RANBP2: variants seen among roughly 807,000 people sequenced by gnomAD.
The protein encoded by RANBP2 is RAN binding protein 2.
Under a neutral mutation model 303.6 loss-of-function variants are expected in RANBP2, and 57 were observed. The observed-to-expected ratio is 0.19, with a 90% CI of 0.15 to 0.23. RANBP2 has a LOEUF of 0.23. RANBP2 is among the 10% of genes least tolerant of loss of function. The pLI is 1.00. For missense variants in RANBP2, 3,138 were observed against 3,780.8 expected (o/e 0.83, Z 4.46); for synonymous variants, 1,167 against 1,301.5 (o/e 0.90, Z 2.23).
At chr2:109,708,724 C>T in the RANBP2 span, among the ~76,000 whole-genome samples, 1 of 152,150 alleles carries the variant, frequency 6.6e-6, no homozygotes, top group South Asian at 2.1e-4. Flanking sequence ...CTGCTGTGAT[C>T]CCAGCACCTT....
the RANBP2 span, among the ~76,000 whole-genome samples, chr2:109,530,273 C>T: frequency 6.6e-6 from 1 of 152,154 alleles, no homozygotes; most frequent in Non-Finnish European, 1.5e-5. Context: ...AAAGGAGCGG[C>T]ATGTGGTCAG....
chr2:109,306,839 G>A, the RANBP2 span, among the ~76,000 whole-genome samples: 9 of 152,222 alleles, frequency 5.9e-5, no homozygotes, highest in Non-Finnish European at 1.2e-4. Flanking sequence ...TGGTCGACGT[G>A]TATGTTGAGT....
At chr2:108,964,419 A>G in the RANBP2 span, among the ~76,000 whole-genome samples, 1 of 152,150 alleles carries the variant, frequency 6.6e-6, no homozygotes, top group Non-Finnish European at 1.5e-5. Context: ...GGATCAGGTC[A>G]TGGAGCTGTT....
the RANBP2 span, among the ~76,000 whole-genome samples, chr2:109,509,115 A>AC: frequency 1.3e-5 from 2 of 151,964 alleles, no homozygotes; most frequent in Non-Finnish European, 2.9e-5. Context: ...TCTTCTCTCC[A>AC]CCCCTTCCCA....
At chr2:109,057,240 C>T in the RANBP2 span, among the ~76,000 whole-genome samples, 1 of 152,140 alleles carries the variant, frequency 6.6e-6, no homozygotes, top group Non-Finnish European at 1.5e-5. Flanking sequence ...GGCTTTCATA[C>T]TTTAAACTGA....
At chr2:108,865,932 C>T in the RANBP2 span, among the ~76,000 whole-genome samples, 1 of 152,100 alleles carries the variant, frequency 6.6e-6, no homozygotes, top group Non-Finnish European at 1.5e-5. Context: ...CTGGGTAGTT[C>T]CTAGAAAACT....
At chr2:108,840,938 A>G in the RANBP2 span, among the ~76,000 whole-genome samples, 1 of 151,882 alleles carries the variant, frequency 6.6e-6, no homozygotes, top group South Asian at 2.1e-4. Flanking sequence ...CAGCCTCCCA[A>G]GTAGCTGGGA....
chr2:109,312,443 G>A, the RANBP2 span, among the ~76,000 whole-genome samples: 8 of 152,086 alleles, frequency 5.3e-5, no homozygotes, highest in East Asian at 1.9e-4. Context: ...TGTTTCGACC[G>A]TCAGCACTGT....
chr2:109,629,132 AC>A, the RANBP2 span, among the ~76,000 whole-genome samples: 1 of 150,908 alleles, frequency 6.6e-6, no homozygotes, highest in Non-Finnish European at 1.5e-5. Context: ...AACCCAGGAG[AC>A]GGATGTTGCA....
chr2:108,877,178 A>T, the RANBP2 span, among the ~76,000 whole-genome samples: 1 of 152,184 alleles, frequency 6.6e-6, no homozygotes, highest in Non-Finnish European at 1.5e-5. Flanking sequence ...AAACTTAAAA[A>T]TGCAGAAGGC....
At chr2:108,970,682 A>G in the RANBP2 span, among the ~76,000 whole-genome samples, 2 of 152,214 alleles carry the variant, frequency 1.3e-5, no homozygotes, top group Non-Finnish European at 2.9e-5. Context: ...CCTTTGGAGA[A>G]GACAGAAAAA....
chr2:109,256,394 C>T, the RANBP2 span, among the ~76,000 whole-genome samples: 15 of 152,258 alleles, frequency 9.9e-5, no homozygotes, highest in Non-Finnish European at 4.4e-5. Flanking sequence ...AGCGGCAATG[C>T]GATGTCCTCC....
chr2:109,613,776 C>T, the RANBP2 span: 1 of 1,219,644 alleles, frequency 8.2e-7, no homozygotes, highest in Non-Finnish European at 1.0e-6. Context: ...GGGGCTGGGG[C>T]CCCGGCGTCG....
the RANBP2 span, among the ~76,000 whole-genome samples, chr2:109,053,267 A>T: frequency 1.3e-5 from 2 of 152,214 alleles, no homozygotes; most frequent in African/African-American, 4.8e-5. Context: ...AGGGCGAAAC[A>T]CTCGGGCAAG....
chr2:109,619,818 T>A, the RANBP2 span, among the ~76,000 whole-genome samples: 1 of 152,244 alleles, frequency 6.6e-6, no homozygotes, highest in Non-Finnish European at 1.5e-5. Flanking sequence ...TCTTACATGA[T>A]TAATTCCAGG....
chr2:109,162,774 T>C, the RANBP2 span, among the ~76,000 whole-genome samples: 1 of 152,254 alleles, frequency 6.6e-6, no homozygotes, highest in Non-Finnish European at 1.5e-5. Flanking sequence ...ATGGTATTTC[T>C]AGTTCTAGAT....
rs755214233 is a variant in RANBP2, at chr2:108,736,189, A to C, written c.722A>C (p.Asn241Thr). ...TNTDLLLAYA[N>T]LMLLTLSTRD... ...ACAGACTTACTGCTGGCCTATGCTAATCTTATGCTTCTTACGCTTTCCACT... is the reference window on the plus strand; with the variant it reads ...ACAGACTTACTGCTGGCCTATGCTACTCTTATGCTTCTTACGCTTTCCACT... Residue 241 changes from asparagine to threonine, a missense_variant, in exon 6 of 29, where the codon AAT becomes ACT. Coordinates refer to ENST00000283195, the MANE Select transcript of RANBP2 (RefSeq NM_006267.5). The C allele has an allele frequency of 6.2e-7, 1 of 1,611,826 alleles. No homozygotes were observed. Among genetic ancestry groups the C allele is most frequent in the Non-Finnish European group, 8.5e-7 (1 of 1,179,836 alleles).
the RANBP2 span, among the ~76,000 whole-genome samples, chr2:109,713,629 G>A: frequency 9.1e-3 from 1,393 of 152,316 alleles, 34 homozygotes; most frequent in African/African-American, 0.031. Flanking sequence ...AGAAGTGGTC[G>A]TGGTCTTGGG....
At chr2:109,146,327 C>T in the RANBP2 span, among the ~76,000 whole-genome samples, 3 of 152,124 alleles carry the variant, frequency 2.0e-5, no homozygotes, top group East Asian at 5.8e-4. Flanking sequence ...AGGGATCATT[C>T]CAGCTTCCCA....
Sources: allele counts gnomAD v4.1 joint callset (sites outside exome capture counted in the v4.1 genomes callset), GRCh38; gene constraint gnomAD v4.1.1; transcripts MANE v1.5; gene names NCBI Gene and HGNC (gene_info 2026-07-23, HGNC 2026-07-21).